RTP5: variants seen among roughly 807,000 people sequenced by gnomAD.
The protein encoded by RTP5 is receptor transporter protein 5 (putative).
Under a neutral mutation model 23.5 loss-of-function variants are expected in RTP5, and 30 were observed. The observed-to-expected ratio is 1.27, with a 90% CI of 0.95 to 1.73. The LOEUF (loss-of-function observed/expected upper bound fraction) is 1.73, where lower values mean the gene tolerates loss of function less well. Ranked by LOEUF, RTP5 falls within the 40% of genes most tolerant of loss-of-function variation. RTP5 has a pLI of 0.00. For missense variants in RTP5, 807 were observed against 784.2 expected (o/e 1.03, Z -0.35); for synonymous variants, 354 against 342.1 (o/e 1.03, Z -0.38).
chr2:241,870,995 C>G (rs1352337950), intron 1 of RTP5: 1 of 471,018 alleles, frequency 2.1e-6, no homozygotes, highest in East Asian at 6.9e-5. Context: ...ATGCAGGGTT[C>G]CCTGAAGCTC....
chr2:241,873,153 G>A lies in RTP5; in HGVS notation c.1598G>A (p.Cys533Tyr). Residue 533 changes from cysteine (C) to tyrosine (Y), a missense_variant, in exon 2 of 2, where the codon TGC becomes TAC. By Grantham distance (194) the Cys-to-Tyr change is radical. Transcript: ENST00000343216. Reference protein sequence around the residue: ...REEDERPGRACRRPHAEPYED... With the variant: ...REEDERPGRAYRRPHAEPYED... ...GAAGACGAGCGCCCTGGCCGTGCCT[G>A]CCGTAGGCCGCACGCCGAGCCCTAC... The A allele has an allele frequency of 1.2e-6, 2 of 1,612,150 alleles. No individual in the cohort carries two copies. Among genetic ancestry groups the A allele is most frequent in the Non-Finnish European group, 8.5e-7 (1 of 1,179,896 alleles).
chr2:241,871,974 A>G lies in RTP5; in HGVS notation c.419A>G (p.Tyr140Cys), dbSNP rs529485795. 2 of 1,591,472 alleles carry G rather than the reference A, an allele frequency of 1.3e-6. No homozygotes were observed. Among genetic ancestry groups the G allele is most frequent in the Non-Finnish European group, 1.7e-6 (2 of 1,168,648 alleles). ...PGPARHPREA[Y>C]EGCCEACELG... The stretch of plus-strand genomic sequence containing the variant: ...CCAGCCCGGCACCCCAGGGAGGCCT[A>G]TGAGGGCTGCTGTGAGGCCTGTGAG... The change falls in exon 2 of 2, where the codon TAT becomes TGT. Residue 140 changes from tyrosine to cysteine, a missense_variant. Coordinates refer to ENST00000343216, the MANE Select transcript of RTP5 (RefSeq NM_173821.3).
In RTP5 at chr2:241,871,737, G is replaced by A; in HGVS notation, c.182G>A (p.Gly61Glu). The change falls in exon 2 of 2, where the codon GGG becomes GAG. Residue 61 changes from glycine to glutamate, a missense_variant. By Grantham distance (98) the Gly-to-Glu change is moderately conservative. Coordinates refer to ENST00000343216, the MANE Select transcript of RTP5 (RefSeq NM_173821.3). ...LSRLQCGHCP[G>E]TWDSAHVHVL... ...AGGCTCCAGTGCGGTCACTGTCCGG[G>A]GACCTGGGACTCGGCCCATGTGCAC... 1 of 1,605,674 alleles carries A rather than the reference G, an allele frequency of 6.2e-7. No individual in the cohort carries two copies. The highest frequency in any genetic ancestry group is 8.5e-7 in the Non-Finnish European group (1 of 1,176,882).
Position 241,872,347 on chromosome 2 carries a change from C to T in RTP5, c.792C>T (p.Ala264=), listed in dbSNP as rs1215392516. The T allele has an allele frequency of 6.2e-7, 1 of 1,611,140 alleles. No individual in the cohort carries two copies. The highest frequency in any genetic ancestry group is 1.3e-5 in the African/African-American group (1 of 74,976). The change falls in exon 2 of 2, where the codon GCC becomes GCT. Residue 264 remains alanine (A), a synonymous_variant. Transcript: ENST00000343216. ...AMPGGKGFPV[A]IGDPLFHGPG... is the part of the protein sequence containing the mutation. ...CTGGGGGCAAAGGCTTCCCGGTGGC[C>T]ATTGGAGACCCCCTCTTCCACGGCC... is the stretch of plus-strand genomic sequence containing the variant.
Position 241,872,661 on chromosome 2 carries a change from C to G in RTP5, c.1106C>G (p.Thr369Ser), listed in dbSNP as rs779790019. ...GPVATKEASI[T>S]FPFIFTDVKD... ...GTGGCCACTAAAGAGGCCTCCATCA[C>G]CTTCCCCTTCATCTTTACTGATGTC... The change falls in exon 2 of 2, where the codon ACC becomes AGC. Residue 369 changes from threonine to serine, a missense_variant. Transcript: ENST00000343216. 28 of 1,595,744 alleles carry G rather than the reference C, an allele frequency of 1.8e-5. No individual in the cohort carries two copies. Among genetic ancestry groups the G allele is most frequent in the Non-Finnish European group, 2.4e-5 (28 of 1,171,364 alleles).
Position 241,873,417 on chromosome 2 carries a change from T to A in RTP5, c.*143T>A. ...CCCCTTTCTCTGAGACCCCCGCCTC[T>A]GAGGCCCCGCCCCCCGCCTCCGAGA... On this transcript the variant is annotated 3_prime_UTR_variant, in exon 2 of 2. Transcript: ENST00000343216. The A allele has an allele frequency of 2.3e-6, 1 of 432,816 alleles. No individual in the cohort carries two copies. The highest frequency in any genetic ancestry group is 2.8e-6 in the Non-Finnish European group (1 of 352,238). The allele number at this position is 432,816 out of a possible 1,614,324, so 26.8% of individuals were successfully genotyped here.
chr2:241,872,060 G>A lies in RTP5; in HGVS notation c.505G>A (p.Gly169Ser), dbSNP rs1183413368. 6.4e-7 allele frequency: 1 copy of A among 1,569,974 alleles called. No homozygotes were observed. Among genetic ancestry groups the A allele is most frequent in the Non-Finnish European group, 8.7e-7 (1 of 1,153,026 alleles). ...DPAWSANATK[G>S]NFPATAWGGT... is the part of the protein sequence containing the mutation. ...CGCCTGGAGCGCCAACGCCACAAAA[G>A]GCAACTTCCCCGCCACGGCCTGGGG... Residue 169 changes from glycine (G) to serine (S), a missense_variant, in exon 2 of 2, where the codon GGC (glycine) becomes AGC (serine). Gly to Ser is a moderately conservative substitution (Grantham distance 56). Coordinates refer to ENST00000343216, the MANE Select transcript of RTP5 (RefSeq NM_173821.3).
At chr2:241,871,162 C>T in intron 1 of RTP5, 1 of 429,382 alleles carries the variant, frequency 2.3e-6, no homozygotes, top group Non-Finnish European at 4.8e-6. Flanking sequence ...TCCTTCCCCT[C>T]AGCTGGCAGG....
In RTP5 at chr2:241,873,376, G is replaced by A. The variant is rs1401223325; in HGVS notation, c.*102G>A. 9.6e-5 allele frequency: 103 copies of A among 1,070,590 alleles called. No individual in the cohort carries two copies. Among genetic ancestry groups the A allele is most frequent in the African/African-American group, 1.2e-4 (3 of 24,336 alleles). The allele number at this position is 1,070,590 out of a possible 1,614,324, so 66.3% of individuals were successfully genotyped here. A position where few individuals can be genotyped will look rare whatever the true frequency, so the allele number is the denominator to read the frequency against. ...ATGCCCGCCCCGCCTCCGAGACCCCGCCTCCACCTCCGAGACCCCTTTCTC... is the reference window on the plus strand; with the variant it reads ...ATGCCCGCCCCGCCTCCGAGACCCCACCTCCACCTCCGAGACCCCTTTCTC... On this transcript the variant is annotated 3_prime_UTR_variant, in exon 2 of 2. Transcript: ENST00000343216.
In RTP5 at chr2:241,871,370, G is replaced by A. The variant is rs916273584; in HGVS notation, c.159-344G>A. On this transcript the variant is annotated intron_variant, in intron 1 of 1. Coordinates refer to ENST00000343216, the MANE Select transcript of RTP5 (RefSeq NM_173821.3). ...GCCGACGCCTCACGGAGGCCAGGCT[G>A]GAGCGGGTTTTGTTGAAAAACTGCT... Among the ~76,000 whole-genome samples the A allele has an allele frequency of 5.3e-5, 8 of 152,252 alleles. No individual in the cohort carries two copies. In the East Asian group the frequency reaches 1.5e-3, roughly 29 times the overall value.
In RTP5 at chr2:241,872,635, T is replaced by C; in HGVS notation, c.1080T>C (p.Pro360=). Residue 360 remains proline, a synonymous_variant, in exon 2 of 2, where the codon CCT becomes CCC. Transcript: ENST00000343216. The stretch of plus-strand genomic sequence containing the variant: ...CCCTCTCGGAGCCCACCGATGGCCC[T>C]GTGGCCACTAAAGAGGCCTCCATCA... ...TNTLSEPTDG[P]VATKEASITF... The C allele has an allele frequency of 6.4e-7, 1 of 1,570,610 alleles. No individual in the cohort carries two copies. Among genetic ancestry groups the C allele is most frequent in the Non-Finnish European group, 8.6e-7 (1 of 1,158,874 alleles).
Position 241,873,103 on chromosome 2 carries a change from G to A in RTP5, c.1548G>A (p.Lys516=). 1.2e-6 allele frequency: 2 copies of A among 1,612,764 alleles called. No individual in the cohort carries two copies. Among genetic ancestry groups the A allele is most frequent in the Non-Finnish European group, 1.7e-6 (2 of 1,179,960 alleles). The change falls in exon 2 of 2, where the codon AAG becomes AAA. Residue 516 remains lysine, a synonymous_variant. Transcript: ENST00000343216. ...QKRQLRSRFH[K]ARCGCRREED... is the part of the protein sequence containing the mutation. ...GGCAGCTGAGGTCCAGGTTCCACAA[G>A]GCCCGCTGTGGGTGCCGCCGGGAGG... is the stretch of plus-strand genomic sequence containing the variant.
At position 241,872,792 on chromosome 2, in the gene RTP5, C is replaced by G; in HGVS notation, c.1237C>G (p.Leu413Val). 6.2e-7 allele frequency: 1 copy of G among 1,607,448 alleles called. No homozygotes were observed. The change falls in exon 2 of 2, where the codon CTC becomes GTC. Residue 413 changes from leucine (L) to valine (V), a missense_variant. Leu to Val is a conservative substitution (Grantham distance 32). Transcript: ENST00000343216. ...DALPETNAGG[L>V]PSQVKGSLAL... ...CCTGCCAGAGACCAATGCTGGTGGC[C>G]TCCCCTCCCAGGTCAAGGGCTCCCT...
chr2:241,871,704 C>T lies in RTP5; in HGVS notation c.159-10C>T, dbSNP rs571935561. ...TCCTGCACTCACACACACTTCTTTC[C>T]CCGCCGCAGGCTCCAGTGCGGTCAC... On this transcript the variant is annotated splice_polypyrimidine_tract_variant and intron_variant, in intron 1 of 1. Coordinates refer to ENST00000343216, the MANE Select transcript of RTP5 (RefSeq NM_173821.3). The T allele has an allele frequency of 4.1e-5, 65 of 1,590,268 alleles. 1 individual carries two copies. In the South Asian group the frequency reaches 7.2e-4, roughly 18 times the overall value.
intron 1 of RTP5, among the ~76,000 whole-genome samples, chr2:241,871,394 C>A (rs1029382150): frequency 6.6e-6 from 1 of 152,238 alleles, no homozygotes; most frequent in African/African-American, 2.4e-5. Flanking sequence ...TGAAAAACTG[C>A]TGAGAGGAGG....
chr2:241,871,952 G>A lies in RTP5; in HGVS notation c.397G>A (p.Ala133Thr). ...CTGCTACGGGGATGGCCCCGGCCCA[G>A]CCCGGCACCCCAGGGAGGCCTATGA... ...QDCYGDGPGP[A>T]RHPREAYEGC... The change falls in exon 2 of 2, where the codon GCC (alanine) becomes ACC (threonine). Residue 133 changes from alanine (A) to threonine (T), a missense_variant. Coordinates refer to ENST00000343216, the MANE Select transcript of RTP5 (RefSeq NM_173821.3). The A allele has an allele frequency of 6.3e-7, 1 of 1,591,512 alleles. No individual in the cohort carries two copies. The highest frequency in any genetic ancestry group is 8.6e-7 in the Non-Finnish European group (1 of 1,169,076).
rs1234242397 is a variant in RTP5 at position 241,872,652 on chromosome 2, C to T, written c.1097C>T (p.Ala366Val). The T allele has an allele frequency of 1.9e-6, 3 of 1,587,568 alleles. No homozygotes were observed. Among genetic ancestry groups the T allele is most frequent in the Non-Finnish European group, 2.6e-6 (3 of 1,167,146 alleles). The change falls in exon 2 of 2, where the codon GCC (alanine) becomes GTC (valine). Residue 366 changes from alanine (A) to valine (V), a missense_variant. By Grantham distance (64) the Ala-to-Val change is moderately conservative. Coordinates refer to ENST00000343216, the MANE Select transcript of RTP5 (RefSeq NM_173821.3). ...GATGGCCCTGTGGCCACTAAAGAGG[C>T]CTCCATCACCTTCCCCTTCATCTTT... ...PTDGPVATKE[A>V]SITFPFIFTD...
Position 241,872,744 on chromosome 2 carries a change from C to T in RTP5, c.1189C>T (p.Leu397Phe). 6.3e-7 allele frequency: 1 copy of T among 1,596,554 alleles called. No individual in the cohort carries two copies. The highest frequency in any genetic ancestry group is 1.3e-5 in the African/African-American group (1 of 74,532). The part of the protein sequence containing the change: ...GNGKEGGGQG[L>F]VPVGHDALPE... ...CGGGAAGGAAGGAGGCGGCCAGGGC[C>T]TCGTCCCAGTGGGTCACGACGCCCT... Residue 397 changes from leucine (L) to phenylalanine (F), a missense_variant, in exon 2 of 2, where the codon CTC (leucine) becomes TTC (phenylalanine). By Grantham distance (22) the Leu-to-Phe change is conservative. Transcript: ENST00000343216.
In RTP5 at chr2:241,872,839, T is replaced by A; in HGVS notation, c.1284T>A (p.Asp428Glu). 6.2e-7 allele frequency: 1 copy of A among 1,612,604 alleles called. No homozygotes were observed. The highest frequency in any genetic ancestry group is 2.2e-5 in the East Asian group (1 of 44,806). The change falls in exon 2 of 2, where the codon GAT becomes GAA. Residue 428 changes from aspartate to glutamate, a missense_variant. Transcript: ENST00000343216. ...CCCTTGCCCTCCCCTTCCCTGCTGA[T>A]GTCCAAGGCAAAGATGCCTTTACTG... Reference protein sequence around the residue: ...KGSLALPFPADVQGKDAFTDI... With the variant: ...KGSLALPFPAEVQGKDAFTDI...
Sources: gnomAD v4.1 joint callset for allele counts (sites outside exome capture counted in the v4.1 genomes callset) on GRCh38, gnomAD v4.1.1 for gene constraint, MANE v1.5 for transcripts, NCBI Gene and HGNC (gene_info 2026-07-23, HGNC 2026-07-21) for gene names.